The following STX2 variants were observed in gnomAD, a reference collection of about 807,000 sequenced individuals.
The protein encoded by STX2 is syntaxin 2.
Under a neutral mutation model 40.6 loss-of-function variants are expected in STX2, and 27 were observed. That is an observed-to-expected ratio of 0.66 (90% CI 0.49 to 0.92). The LOEUF (loss-of-function observed/expected upper bound fraction) is 0.92, where lower values mean the gene tolerates loss of function less well. Ranked by LOEUF, STX2 falls within the 40% of genes least tolerant of loss-of-function variation. The pLI is 0.00. For synonymous variants in STX2, 123 were observed against 119.1 expected (o/e 1.03, Z -0.22); for missense variants, 328 against 366.1 (o/e 0.90, Z 0.85).
intron 4 of STX2, among the ~76,000 whole-genome samples, chr12:130,810,141 A>C (rs1445406545): frequency 1.3e-5 from 2 of 152,270 alleles, no homozygotes; most frequent in African/African-American, 4.8e-5. Flanking sequence ...TACTCTTGAC[A>C]GTAGATGCTG....
chr12:130,801,313 ATAATAT>A (rs748060071), intron 7 of STX2, 23 bp from the exon 8 acceptor site: 3 of 1,603,488 alleles, frequency 1.9e-6, no homozygotes, highest in Non-Finnish European at 2.6e-6. Context: ...AAAATAAAAG[ATAATAT>A]TAATAAACTT....
chr12:130,824,775 A>G (rs1335299250), intron 2 of STX2, among the ~76,000 whole-genome samples: 1 of 152,226 alleles, frequency 6.6e-6, no homozygotes, highest in Non-Finnish European at 1.5e-5. Flanking sequence ...ATGAGTTTAT[A>G]TTACCAAACA....
chr12:130,808,658 T>C lies in STX2; in HGVS notation c.327A>G (p.Ser109=). ...FDQDESGNRT[S]VDLRIRRTQH... Reference sequence around the variant, plus strand: ...GGGTTCTTCGTATCCGAAGATCCACTGAAGTCCGGTTCCCACTCTCATCCT... The same window carrying C: ...GGGTTCTTCGTATCCGAAGATCCACCGAAGTCCGGTTCCCACTCTCATCCT... Residue 109 remains serine (S), a synonymous_variant, in exon 5 of 11, where the codon TCA becomes TCG. Coordinates refer to ENST00000392373, the MANE Select transcript of STX2 (RefSeq NM_194356.4). The C allele has an allele frequency of 6.2e-7, 1 of 1,613,830 alleles. No individual in the cohort carries two copies. Among genetic ancestry groups the C allele is most frequent in the Non-Finnish European group, 8.5e-7 (1 of 1,179,940 alleles).
At chr12:130,818,591 C>G (rs1357736772) in intron 3 of STX2, among the ~76,000 whole-genome samples, 1 of 152,152 alleles carries the variant, frequency 6.6e-6, no homozygotes, top group East Asian at 1.9e-4. Flanking sequence ...CACAAGGAGC[C>G]GGGTCTCCAT....
intron 6 of STX2, among the ~76,000 whole-genome samples, chr12:130,803,748 G>A (rs549041046): frequency 2.7e-5 from 4 of 149,836 alleles, no homozygotes; most frequent in South Asian, 4.3e-4. Context: ...CCGGCTAACT[G>A]CTAAGTCTAA....
intron 3 of STX2, among the ~76,000 whole-genome samples, chr12:130,816,764 A>G (rs1951874781): frequency 6.6e-6 from 1 of 152,230 alleles, no homozygotes; most frequent in Non-Finnish European, 1.5e-5. Flanking sequence ...ACCCAAAGAC[A>G]TGGGCCCCAC....
intron 4 of STX2, among the ~76,000 whole-genome samples, chr12:130,811,522 G>A (rs1298883257): frequency 3.4e-5 from 5 of 148,792 alleles, no homozygotes; most frequent in South Asian, 2.1e-4. Flanking sequence ...AAATGTTAAT[G>A]TCACCATTAA....
chr12:130,804,219 G>T (rs1244799336), intron 6 of STX2, among the ~76,000 whole-genome samples: 3 of 152,164 alleles, frequency 2.0e-5, no homozygotes, highest in African/African-American at 4.8e-5. Flanking sequence ...GTGATACAAG[G>T]TAAGAAACCT....
chr12:130,810,785 T>A (rs1401190725), intron 4 of STX2: 1 of 152,174 alleles, frequency 6.6e-6, no homozygotes, highest in Non-Finnish European at 1.5e-5. Flanking sequence ...AACTGACCTA[T>A]GAAAATTATA....
At chr12:130,834,927 G>A (rs892278458) in intron 1 of STX2, among the ~76,000 whole-genome samples, 3 of 152,176 alleles carry the variant, frequency 2.0e-5, no homozygotes, top group African/African-American at 7.2e-5. Context: ...TGCACTACGT[G>A]GACAAACATG....
rs573677682 is a variant in STX2 at position 130,793,455 on chromosome 12, C to T, written c.*46-1478G>A. On this transcript the variant is annotated intron_variant, in intron 10 of 10. Coordinates refer to ENST00000392373, the MANE Select transcript of STX2 (RefSeq NM_194356.4). ...GCTGGGCCACCTGGAGTCAGCTCCA[C>T]GCAGCGTGCTCTCATCTCCTGCTGC... is the stretch of plus-strand genomic sequence containing the variant. Among the ~76,000 whole-genome samples, 4 of 137,910 alleles carry T rather than the reference C, an allele frequency of 2.9e-5. No homozygotes were observed. The South Asian group carries it at 6.5e-4, about 22-fold the overall frequency. 90.5% of individuals were successfully genotyped at this position (137,910 alleles called of 152,430 possible). A position where few individuals can be genotyped will look rare whatever the true frequency, so the allele number is the denominator to read the frequency against.
chr12:130,805,780 C>A (rs1343966569), intron 6 of STX2, among the ~76,000 whole-genome samples: 2 of 152,194 alleles, frequency 1.3e-5, no homozygotes, highest in African/African-American at 4.8e-5. Context: ...ACTCAAAATA[C>A]AGAAATACTC....
intron 4 of STX2, chr12:130,812,710 C>T (rs1238384301): frequency 2.6e-6 from 1 of 382,212 alleles, no homozygotes; most frequent in African/African-American, 2.1e-5. Flanking sequence ...CCTGGCAACT[C>T]ACCTTCCCAA....
intron 4 of STX2, chr12:130,812,224 G>A (rs907536635): frequency 4.2e-5 from 14 of 329,884 alleles, no homozygotes; most frequent in Non-Finnish European, 6.5e-5. Context: ...TGGATATTCT[G>A]TACTATTAAG....
chr12:130,808,746 T>A, intron 4 of STX2, 42 bp from the exon 5 acceptor site: 1 of 1,530,168 alleles, frequency 6.5e-7, no homozygotes, highest in East Asian at 2.3e-5. Context: ...AATTTAAAAA[T>A]GAAAATGTTC....
Position 130,791,115 on chromosome 12 carries a change from A to G in STX2, c.*908T>C, listed in dbSNP as rs1950864644. 1 of 152,198 alleles carries G rather than the reference A, an allele frequency of 6.6e-6. No homozygotes were observed. The highest frequency in any genetic ancestry group is 2.1e-4 in the South Asian group (1 of 4,830). 9.4% of individuals were successfully genotyped at this position (152,198 alleles called of 1,614,324 possible). On this transcript the variant is annotated 3_prime_UTR_variant, in exon 11 of 11. Coordinates refer to ENST00000392373, the MANE Select transcript of STX2 (RefSeq NM_194356.4). The stretch of plus-strand genomic sequence containing the variant: ...TTTAAAATTATAGATATCTTACAAA[A>G]ACGTGATAAAAATTATTTCTTCAAA...
chr12:130,812,893 A>G, intron 4 of STX2, 64 bp downstream of exon 4: 1 of 1,164,776 alleles, frequency 8.6e-7, no homozygotes, highest in Non-Finnish European at 1.2e-6. Context: ...AAACCAATAA[A>G]GAAAAAAATA....
At chr12:130,837,107 T>A (rs1404300430) in intron 1 of STX2, among the ~76,000 whole-genome samples, 1 of 85,808 alleles carries the variant, frequency 1.2e-5, no homozygotes, top group Admixed American at 1.1e-4. Flanking sequence ...GACATTGAGC[T>A]TTTTTTTTTT....
Position 130,798,807 on chromosome 12 carries a change from C to T in STX2, c.676-172G>A, listed in dbSNP as rs557800559. Among the ~76,000 whole-genome samples, 8 of 152,128 alleles carry T rather than the reference C, an allele frequency of 5.3e-5. No homozygotes were observed. The East Asian group carries it at 1.5e-3, about 29-fold the overall frequency. On this transcript the variant is annotated intron_variant, in intron 8 of 10. Coordinates refer to ENST00000392373, the MANE Select transcript of STX2 (RefSeq NM_194356.4). ...AAAGATGAGGCCATTATACATGTGC[C>T]AGTGCAAAGCAATCAAAACTCAATT...
Sources: allele counts gnomAD v4.1 joint callset (sites outside exome capture counted in the v4.1 genomes callset), GRCh38; gene constraint gnomAD v4.1.1; transcripts MANE v1.5; gene names NCBI Gene and HGNC (gene_info 2026-07-23, HGNC 2026-07-21).